Variants in PRKN observed in about 807,000 individuals in gnomAD.
PRKN encodes parkin RBR E3 ubiquitin protein ligase.
A neutral mutation model predicts 59.5 loss-of-function variants in PRKN; 56 were observed. That is an observed-to-expected ratio of 0.94 (90% confidence interval 0.76 to 1.18). The LOEUF is 1.18. Ranked by LOEUF, PRKN falls within the 50% of genes most tolerant of loss-of-function variation. PRKN has a pLI of 0.00. For missense variants in PRKN, 657 were observed against 596.4 expected, an observed-to-expected ratio of 1.10 and a Z score of -1.06; for synonymous variants, 250 against 222.1, an observed-to-expected ratio of 1.13 and a Z score of -1.12.
In PRKN at chr6:161,968,937, A is replaced by G. The variant is rs546893337; in HGVS notation, c.734+4365T>C. 5.3e-5 allele frequency among the ~76,000 whole-genome samples: 8 copies of G among 152,356 alleles called. 1 individual carries two copies. The South Asian group carries it at 1.2e-3, about 24-fold the overall frequency. ...CTTTTTGTATAGCTTTCATATGGAG[A>G]AAGTTTCACATTGTTCTCTCACAAT... is the stretch of plus-strand genomic sequence containing the variant. On this transcript the variant is annotated intron_variant, in intron 6 of 11. Transcript: ENST00000366898.
intron 4 of PRKN, among the ~76,000 whole-genome samples, chr6:162,162,582 C>T (rs1419854445): frequency 6.6e-6 from 1 of 152,118 alleles, no homozygotes; most frequent in East Asian, 1.9e-4. Flanking sequence ...GAAAAATTCA[C>T]TAATTAAATG....
chr6:161,582,652 C>G lies in PRKN; in HGVS notation c.872-13236G>C, dbSNP rs573329784. On this transcript the variant is annotated intron_variant, in intron 7 of 11. Coordinates refer to ENST00000366898, the MANE Select transcript of PRKN (RefSeq NM_004562.3). The surrounding 1 kb of genome is among the most constrained non-coding windows in gnomAD (Gnocchi z 4.4). Reference sequence around the variant, plus strand: ...CCATGTTAGCCAGGATGGTCTCGATCTGCTGACCTCGTGATCTGCCCGCCT... The same window carrying G: ...CCATGTTAGCCAGGATGGTCTCGATGTGCTGACCTCGTGATCTGCCCGCCT... Among the ~76,000 whole-genome samples, 1 of 152,190 alleles carries G rather than the reference C, an allele frequency of 6.6e-6. No individual in the cohort carries two copies. Among genetic ancestry groups the G allele is most frequent in the South Asian group, 2.1e-4 (1 of 4,812 alleles).
intron 6 of PRKN, among the ~76,000 whole-genome samples, chr6:161,839,523 T>C (rs1792897362): frequency 6.6e-6 from 1 of 152,034 alleles, no homozygotes; most frequent in Non-Finnish European, 1.5e-5. Flanking sequence ...TTCTGGCCCA[T>C]TCGAGGAGGT....
chr6:162,153,352 AG>A (rs1219270122), intron 4 of PRKN, among the ~76,000 whole-genome samples: 2 of 151,994 alleles, frequency 1.3e-5, no homozygotes, highest in Admixed American at 6.5e-5. Flanking sequence ...CCCCAGCAGG[AG>A]CAAATCATGT....
chr6:162,415,654 TA>T (rs1012699083), intron 2 of PRKN, among the ~76,000 whole-genome samples: 5 of 152,018 alleles, frequency 3.3e-5, no homozygotes, highest in Non-Finnish European at 7.4e-5. Flanking sequence ...CCGTCTGTAC[TA>T]AAAATACAAA....
chr6:162,439,248 T>A (rs935149598), intron 2 of PRKN, among the ~76,000 whole-genome samples: 5 of 151,956 alleles, frequency 3.3e-5, no homozygotes, highest in Non-Finnish European at 5.9e-5. Context: ...CCTTTCTGAG[T>A]CCTCTGGATA....
chr6:161,364,183 AAAAAG>A (rs1424495447), intron 10 of PRKN, among the ~76,000 whole-genome samples: 2 of 144,536 alleles, frequency 1.4e-5, no homozygotes, highest in African/African-American at 2.8e-5. Context: ...AAAAAAAAAA[AAAAAG>A]AAAAGAAAAC....
intron 3 of PRKN, among the ~76,000 whole-genome samples, chr6:162,221,555 A>T (rs1192762676): frequency 6.6e-6 from 1 of 152,212 alleles, no homozygotes; most frequent in African/African-American, 2.4e-5. Flanking sequence ...TTGATGCCAC[A>T]GTGGTATGGC....
At chr6:162,273,476 T>C (rs562027327) in intron 2 of PRKN, among the ~76,000 whole-genome samples, 1 of 152,320 alleles carries the variant, frequency 6.6e-6, no homozygotes, top group East Asian at 1.9e-4. Flanking sequence ...GTATATCCTT[T>C]AGTACAAAAA....
intron 1 of PRKN, among the ~76,000 whole-genome samples, chr6:162,487,416 C>T (rs985469270): frequency 3.3e-5 from 5 of 152,182 alleles, no homozygotes; most frequent in African/African-American, 7.2e-5. Flanking sequence ...AGGCACAAGC[C>T]TCTGTCCCCA....
At chr6:162,605,571 T>C (rs1781880680) in intron 1 of PRKN, among the ~76,000 whole-genome samples, 1 of 152,128 alleles carries the variant, frequency 6.6e-6, no homozygotes, top group South Asian at 2.1e-4. Flanking sequence ...TGATTTTTAA[T>C]AGGTTGATAT....
At chr6:162,307,502 G>A (rs918652956) in intron 2 of PRKN, among the ~76,000 whole-genome samples, 1 of 151,344 alleles carries the variant, frequency 6.6e-6, no homozygotes, top group Admixed American at 6.6e-5. Flanking sequence ...CAAACAAGAT[G>A]TGCATATATG....
chr6:161,452,548 GT>G (rs970729064), intron 9 of PRKN, among the ~76,000 whole-genome samples: 1 of 152,126 alleles, frequency 6.6e-6, no homozygotes, highest in South Asian at 2.1e-4. Context: ...TTGGTTCTGT[GT>G]TTTTTAATTC....
chr6:162,182,836 C>G (rs1416991642), intron 4 of PRKN, among the ~76,000 whole-genome samples: 1 of 152,140 alleles, frequency 6.6e-6, no homozygotes, highest in East Asian at 1.9e-4. Flanking sequence ...CTCTTTGTCA[C>G]ACTGTCTTAA....
intron 7 of PRKN, among the ~76,000 whole-genome samples, chr6:161,571,250 A>G (rs886163210): frequency 6.6e-6 from 1 of 152,106 alleles, no homozygotes; most frequent in Non-Finnish European, 1.5e-5. Flanking sequence ...TGGCTTATTT[A>G]TATTATTCTC....
At chr6:161,891,241 G>GT (rs1487888262) in intron 6 of PRKN, among the ~76,000 whole-genome samples, 8 of 152,188 alleles carry the variant, frequency 5.3e-5, no homozygotes, top group African/African-American at 1.7e-4. Flanking sequence ...GGCTCTGCTA[G>GT]TTTTTTGGCT....
At chr6:162,601,247 C>G (rs1379934743) in intron 1 of PRKN, among the ~76,000 whole-genome samples, 2 of 151,902 alleles carry the variant, frequency 1.3e-5, no homozygotes, top group Non-Finnish European at 2.9e-5. Context: ...TTATCTAATC[C>G]TAATTACCCT....
At chr6:161,934,211 G>A (rs1375730652) in intron 6 of PRKN, among the ~76,000 whole-genome samples, 1 of 152,154 alleles carries the variant, frequency 6.6e-6, no homozygotes, top group Middle Eastern at 3.2e-3. Context: ...CTGTCGCTTT[G>A]TGAAGAAGAT....
intron 1 of PRKN, among the ~76,000 whole-genome samples, chr6:162,602,997 G>A (rs1202489298): frequency 6.6e-6 from 1 of 152,076 alleles, no homozygotes; most frequent in African/African-American, 2.4e-5. Flanking sequence ...GCACAGGGTT[G>A]GTCCAACTCC....
Sources: allele counts gnomAD v4.1 joint callset (sites outside exome capture counted in the v4.1 genomes callset), GRCh38; gene constraint gnomAD v4.1.1; non-coding constraint Gnocchi (gnomAD v3.1); transcripts MANE v1.5; gene names NCBI Gene and HGNC (gene_info 2026-07-23, HGNC 2026-07-21).